Variants in APAF1 observed in about 807,000 individuals in gnomAD.
APAF1 encodes apoptotic protease-activating factor 1.
APAF1 carries 91 observed loss-of-function variants against 152.4 expected under a neutral mutation model. That is an observed-to-expected ratio of 0.60 (90% confidence interval 0.50 to 0.71). The LOEUF is 0.71. APAF1 is among the 30% of genes least tolerant of loss of function. The pLI is 0.00. For synonymous variants in APAF1, 484 were observed against 494.1 expected (o/e 0.98, Z 0.27); for missense variants, 1,283 against 1,472.0 (o/e 0.87, Z 2.10).
At chr12:98,678,223 T>G (rs1430916097) in intron 13 of APAF1, among the ~76,000 whole-genome samples, 1 of 152,254 alleles carries the variant, frequency 6.6e-6, no homozygotes, top group Non-Finnish European at 1.5e-5. Context: ...ATGAAATGTT[T>G]TATTTGATTG....
intron 21 of APAF1, among the ~76,000 whole-genome samples, chr12:98,713,474 G>A (rs887012322): frequency 6.6e-6 from 1 of 152,182 alleles, no homozygotes; most frequent in Non-Finnish European, 1.5e-5. Context: ...AATCCTTGCT[G>A]TTCTACTTTT....
At chr12:98,662,411 T>G (rs1319294818) in intron 5 of APAF1, 45 bp from the exon 6 acceptor site, 20 of 1,399,938 alleles carry the variant, frequency 1.4e-5, no homozygotes, top group South Asian at 3.5e-5. Context: ...AAAAGGAAGC[T>G]TAAGATAAGT....
intron 5 of APAF1, among the ~76,000 whole-genome samples, chr12:98,660,183 A>G (rs531075805): frequency 6.6e-6 from 1 of 152,192 alleles, no homozygotes; most frequent in South Asian, 2.1e-4. Flanking sequence ...CTGTCTTTCT[A>G]AAAAATACAA....
At chr12:98,680,526 T>C in intron 14 of APAF1, 124 bp downstream of exon 14, 3 of 957,930 alleles carry the variant, frequency 3.1e-6, no homozygotes, top group African/African-American at 1.7e-5. Context: ...ACCTGATTCA[T>C]TGTAAATTAA....
chr12:98,663,413 TG>T (rs1410836513), intron 7 of APAF1, among the ~76,000 whole-genome samples: 1 of 152,190 alleles, frequency 6.6e-6, no homozygotes, highest in Non-Finnish European at 1.5e-5. Context: ...AGAATCTCGC[TG>T]TGTTGCCCAG....
intron 22 of APAF1, among the ~76,000 whole-genome samples, chr12:98,716,376 T>G (rs547171587): frequency 9.8e-5 from 15 of 152,364 alleles, no homozygotes; most frequent in Admixed American, 3.3e-4. Context: ...TTTGTTTAGA[T>G]CCTTCCTGTT....
At chr12:98,697,003 G>A (rs2097710679) in intron 16 of APAF1, among the ~76,000 whole-genome samples, 1 of 152,198 alleles carries the variant, frequency 6.6e-6, no homozygotes, top group Admixed American at 6.5e-5. Flanking sequence ...TGCTCTGAGA[G>A]CAGATAAGGA....
chr12:98,730,187 A>G (rs886644868), intron 26 of APAF1, among the ~76,000 whole-genome samples: 2 of 152,238 alleles, frequency 1.3e-5, no homozygotes, highest in Admixed American at 1.3e-4. Flanking sequence ...ATGTTGCATT[A>G]ACCTACATCT....
chr12:98,657,817 C>T (rs1175229705), intron 4 of APAF1, among the ~76,000 whole-genome samples: 1 of 152,114 alleles, frequency 6.6e-6, no homozygotes, highest in Non-Finnish European at 1.5e-5. Flanking sequence ...CTTCAGTTTC[C>T]TCATTTTCAA....
intron 4 of APAF1, among the ~76,000 whole-genome samples, chr12:98,651,482 A>G (rs1290141197): frequency 6.6e-6 from 1 of 152,082 alleles, no homozygotes; most frequent in African/African-American, 2.4e-5. Flanking sequence ...CTATGTATAC[A>G]TGTTATTTGT....
At position 98,683,039 on chromosome 12, in the gene APAF1, G is replaced by A. The variant is rs1160478680; in HGVS notation, c.2047-104G>A. 4.5e-6 allele frequency: 4 copies of A among 883,774 alleles called. No individual in the cohort carries two copies. The Admixed American group carries it at 8.1e-5, about 18-fold the overall frequency. The allele number at this position is 883,774 out of a possible 1,614,324, so 54.7% of individuals were successfully genotyped here. ...TTGTCCAACTAGGAAAATCTGCTAT[G>A]ACAGGATAAGATAGCATTTGCAAAG... On this transcript the variant is annotated intron_variant, in intron 14 of 26. Transcript: ENST00000551964.
chr12:98,715,657 G>A lies in APAF1; in HGVS notation c.3084+105G>A, dbSNP rs1318253051. 4 of 1,335,494 alleles carry A rather than the reference G, an allele frequency of 3.0e-6. No individual in the cohort carries two copies. In the African/African-American group the frequency reaches 4.3e-5, roughly 14 times the overall value. The allele number at this position is 1,335,494 out of a possible 1,614,324, so 82.7% of individuals were successfully genotyped here. A position where few individuals can be genotyped will look rare whatever the true frequency, so the allele number is the denominator to read the frequency against. ...GTATATTTTAAACACATTACGTTGG[G>A]CATACATTCAGATTATGTACATGGG... On this transcript the variant is annotated intron_variant, in intron 22 of 26. Transcript: ENST00000551964.
chr12:98,656,078 C>T (rs563194062), intron 4 of APAF1, among the ~76,000 whole-genome samples: 15 of 152,150 alleles, frequency 9.9e-5, no homozygotes, highest in East Asian at 3.9e-4. Flanking sequence ...CCACCGCGCC[C>T]GGCCTTGCCT....
rs1379539931 is a variant in APAF1 at position 98,734,531 on chromosome 12, T to C, written c.*1965T>C. 2 of 152,612 alleles carry C rather than the reference T, an allele frequency of 1.3e-5. No homozygotes were observed. Among genetic ancestry groups the C allele is most frequent in the Non-Finnish European group, 2.9e-5 (2 of 68,036 alleles). The allele number at this position is 152,612 out of a possible 1,614,324, so 9.5% of individuals were successfully genotyped here. A position where few individuals can be genotyped will look rare whatever the true frequency, so the allele number is the denominator to read the frequency against. ...AATAGTAGATAACTTGTTTTTATTG[T>C]TGGTGCATATTAGTATAACTGTGGG... On this transcript the variant is annotated 3_prime_UTR_variant, in exon 27 of 27. Transcript: ENST00000551964.
intron 13 of APAF1, 49 bp downstream of exon 13, chr12:98,677,600 T>C: frequency 6.2e-7 from 1 of 1,612,834 alleles, no homozygotes; most frequent in Non-Finnish European, 8.5e-7. Context: ...TATCCAGTTT[T>C]GTGCAGATCA....
At chr12:98,677,133 T>C (rs1367367667) in intron 12 of APAF1, among the ~76,000 whole-genome samples, 1 of 152,234 alleles carries the variant, frequency 6.6e-6, no homozygotes, top group Non-Finnish European at 1.5e-5. Context: ...GACATGTTGA[T>C]TAACTAGATT....
intron 12 of APAF1, 37 bp downstream of exon 12, chr12:98,671,756 C>G: frequency 6.3e-7 from 1 of 1,579,234 alleles, no homozygotes; most frequent in Non-Finnish European, 8.7e-7. Context: ...GGGAGTGGTG[C>G]GCTAACTATA....
intron 16 of APAF1, among the ~76,000 whole-genome samples, chr12:98,697,655 T>C (rs1360284718): frequency 1.3e-5 from 2 of 152,164 alleles, no homozygotes; most frequent in African/African-American, 4.8e-5. Flanking sequence ...GAACTGCCCA[T>C]GTTTGTGGTG....
intron 26 of APAF1, among the ~76,000 whole-genome samples, chr12:98,731,714 C>G (rs1383914743): frequency 6.6e-6 from 1 of 152,116 alleles, no homozygotes; most frequent in Non-Finnish European, 1.5e-5. Flanking sequence ...AATAAGTTTA[C>G]ATGTATTGTC....
Sources: allele counts gnomAD v4.1 joint callset (sites outside exome capture counted in the v4.1 genomes callset), GRCh38; gene constraint gnomAD v4.1.1; transcripts MANE v1.5; gene names NCBI Gene and HGNC (gene_info 2026-07-23, HGNC 2026-07-21).